SKIL: variants seen among roughly 807,000 people sequenced by gnomAD.
SKIL encodes the protein SKI like proto-oncogene, also known as ski-like protein.
A neutral mutation model predicts 69.6 loss-of-function variants in SKIL; 20 were observed. That is an observed-to-expected ratio of 0.29 (90% confidence interval 0.20 to 0.42). SKIL has a LOEUF of 0.42. Ranked by LOEUF, SKIL falls within the 10% of genes least tolerant of loss-of-function variation. The pLI, the probability that SKIL is intolerant of heterozygous loss-of-function variation, is 1.00. For missense variants in SKIL, 745 were observed against 783.1 expected (o/e 0.95, Z 0.58); for synonymous variants, 310 against 279.9 (o/e 1.11, Z -1.08).
chr3:170,385,323 C>G (rs1490165188), intron 4 of SKIL, among the ~76,000 whole-genome samples: 2 of 149,114 alleles, frequency 1.3e-5, no homozygotes, highest in Non-Finnish European at 3.0e-5. Context: ...AACTCCTGGG[C>G]TCAAGTGATC....
chr3:170,359,420 ACC>A (rs1014001768), intron 1 of SKIL, among the ~76,000 whole-genome samples: 16 of 152,028 alleles, frequency 1.1e-4, no homozygotes, highest in African/African-American at 2.7e-4. Flanking sequence ...ATATGGTGAA[ACC>A]CCGTTTCTAC....
intron 2 of SKIL, among the ~76,000 whole-genome samples, chr3:170,373,913 G>GT (rs1320274695): frequency 2.6e-5 from 4 of 151,838 alleles, no homozygotes; most frequent in Non-Finnish European, 2.9e-5. Context: ...ATTTTAAAGG[G>GT]TTTTTTTTGG....
At chr3:170,363,301 C>T (rs913772456) in intron 2 of SKIL, among the ~76,000 whole-genome samples, 3 of 152,214 alleles carry the variant, frequency 2.0e-5, no homozygotes, top group South Asian at 2.1e-4. Flanking sequence ...ATTCTGGTGC[C>T]TTTAAGGTTT....
chr3:170,391,830 T>A (rs905682429), intron 6 of SKIL, among the ~76,000 whole-genome samples: 8 of 152,130 alleles, frequency 5.3e-5, no homozygotes, highest in Admixed American at 2.0e-4. Flanking sequence ...GAATATTATA[T>A]GTTATATTAT....
intron 2 of SKIL, among the ~76,000 whole-genome samples, chr3:170,365,858 C>T (rs899303003): frequency 6.7e-6 from 1 of 149,150 alleles, no homozygotes; most frequent in Non-Finnish European, 1.5e-5. Flanking sequence ...TGGATTCAAG[C>T]GATTCTCCTG....
rs748865964 is a variant in SKIL, at chr3:170,360,919, G to A, written c.588G>A (p.Arg196=). ...ATGAACTGTACATATATTGTTCAAG[G>A]TGTACTTCAGACCAGCTTCATATCT... ...VCDELYIYCS[R]CTSDQLHILK... The change falls in exon 2 of 7, where the codon AGG becomes AGA. Residue 196 remains arginine, a synonymous_variant. Transcript: ENST00000259119. The A allele has an allele frequency of 6.2e-7, 1 of 1,614,100 alleles. No homozygotes were observed. Among genetic ancestry groups the A allele is most frequent in the South Asian group, 1.1e-5 (1 of 91,082 alleles).
chr3:170,380,642 CA>C (rs748457886), intron 2 of SKIL, among the ~76,000 whole-genome samples: 126 of 139,212 alleles, frequency 9.1e-4, no homozygotes, highest in African/African-American at 2.2e-3. Flanking sequence ...GACTCCATCT[CA>C]AAAAAAAAAA....
At position 170,392,523 on chromosome 3, in the gene SKIL, G is replaced by A; in HGVS notation, c.*106G>A. ...GAATTTATCTGCATGACGATAACTA[G>A]GCATTCTATCCATTTGTAGATCAGA... On this transcript the variant is annotated 3_prime_UTR_variant, in exon 7 of 7. Coordinates refer to ENST00000259119, the MANE Select transcript of SKIL (RefSeq NM_005414.5). 1.6e-6 allele frequency: 1 copy of A among 617,050 alleles called. No individual in the cohort carries two copies. The highest frequency in any genetic ancestry group is 1.9e-5 in the African/African-American group (1 of 53,062). The allele number at this position is 617,050 out of a possible 1,614,324, so 38.2% of individuals were successfully genotyped here.
intron 2 of SKIL, among the ~76,000 whole-genome samples, chr3:170,378,775 T>G (rs1737174270): frequency 6.6e-6 from 1 of 150,754 alleles, no homozygotes; most frequent in Non-Finnish European, 1.5e-5. Flanking sequence ...ACTCCTGACT[T>G]CAGGTGATCC....
chr3:170,376,188 C>T (rs1184675768), intron 2 of SKIL, among the ~76,000 whole-genome samples: 1 of 151,544 alleles, frequency 6.6e-6, no homozygotes, highest in Non-Finnish European at 1.5e-5. Flanking sequence ...GCTGGGATTA[C>T]AGGGATGCAC....
At chr3:170,359,058 T>C (rs1437665366) in intron 1 of SKIL, among the ~76,000 whole-genome samples, 1 of 152,220 alleles carries the variant, frequency 6.6e-6, no homozygotes, top group Non-Finnish European at 1.5e-5. Flanking sequence ...GATGAAGTAA[T>C]GGATTTTTTT....
chr3:170,367,231 C>G (rs1280276865), intron 2 of SKIL, among the ~76,000 whole-genome samples: 1 of 151,922 alleles, frequency 6.6e-6, no homozygotes, highest in East Asian at 1.9e-4. Context: ...GCCTCAGCCC[C>G]CTGAGTAGCT....
intron 1 of SKIL, among the ~76,000 whole-genome samples, chr3:170,359,071 C>T (rs1347073655): frequency 6.6e-6 from 1 of 152,056 alleles, no homozygotes; most frequent in African/African-American, 2.4e-5. Flanking sequence ...ATTTTTTTCC[C>T]TCCCTTAAAA....
rs920702546 is a variant in SKIL at position 170,360,058 on chromosome 3, A to T, written c.-274A>T. 5 of 318,472 alleles carry T rather than the reference A, an allele frequency of 1.6e-5. No individual in the cohort carries two copies. The highest frequency in any genetic ancestry group is 2.3e-5 in the Non-Finnish European group (4 of 175,602). 19.7% of individuals were successfully genotyped at this position (318,472 alleles called of 1,614,324 possible). On this transcript the variant is annotated 5_prime_UTR_variant, in exon 2 of 7. Transcript: ENST00000259119. ...TTTAATATGTATATCTGAAGAATTC[A>T]AGAAAACAAAGGCATCCTCAGAGGT...
chr3:170,359,411 T>C (rs1480070959), intron 1 of SKIL, among the ~76,000 whole-genome samples: 1 of 151,968 alleles, frequency 6.6e-6, no homozygotes, highest in African/African-American at 2.4e-5. Context: ...GCCTGACTAA[T>C]ATGGTGAAAC....
intron 4 of SKIL, among the ~76,000 whole-genome samples, chr3:170,386,883 A>T (rs1177904884): frequency 6.6e-6 from 1 of 152,222 alleles, no homozygotes; most frequent in African/African-American, 2.4e-5. Context: ...ATTAATTCTA[A>T]TGACTTCTAA....
rs374321725 is a variant in SKIL at position 170,392,346 on chromosome 3, C to G, written c.1984C>G (p.Gln662Glu). The G allele has an allele frequency of 1.2e-6, 2 of 1,612,582 alleles. No homozygotes were observed. The highest frequency in any genetic ancestry group is 1.7e-6 in the Non-Finnish European group (2 of 1,178,834). The change falls in exon 7 of 7, where the codon CAG (glutamine) becomes GAG (glutamate). Residue 662 changes from glutamine to glutamate, a missense_variant. Coordinates refer to ENST00000259119, the MANE Select transcript of SKIL (RefSeq NM_005414.5). ...DELRQEREAR[Q>E]KLEMMIKELK... Reference sequence around the variant, plus strand: ...ACTCAGACAGGAACGGGAAGCAAGACAGAAGTTAGAGATGATGATAAAAGA... The same window carrying G: ...ACTCAGACAGGAACGGGAAGCAAGAGAGAAGTTAGAGATGATGATAAAAGA...
At chr3:170,388,860 G>GTATT (rs71634466) in intron 4 of SKIL, among the ~76,000 whole-genome samples, 5,926 of 112,082 alleles carry the variant, frequency 0.053, 193 homozygotes, top group East Asian at 0.14. Flanking sequence ...ATTTATTTAT[G>GTATT]TATTTATTTA....
Position 170,391,040 on chromosome 3 carries a change from T to TAAAA in SKIL, c.1678_1681dup (p.Met561LysfsTer5). 6.6e-7 allele frequency: 1 copy of TAAAA among 1,520,022 alleles called. No homozygotes were observed. The highest frequency in any genetic ancestry group is 1.2e-5 in the South Asian group (1 of 85,168). 94.2% of individuals were successfully genotyped at this position (1,520,022 alleles called of 1,614,324 possible). A position where few individuals can be genotyped will look rare whatever the true frequency, so the allele number is the denominator to read the frequency against. On this transcript the variant is annotated frameshift_variant, in exon 6 of 7. Coordinates refer to ENST00000259119, the MANE Select transcript of SKIL (RefSeq NM_005414.5). LOFTEE classifies it high-confidence loss of function. ...TTGTGATTCTTTACATTACAGGAAG[T>TAAAA]AAAAATGTTGAGTAGTTCAAAATCT...
Sources: allele counts gnomAD v4.1 joint callset (sites outside exome capture counted in the v4.1 genomes callset), GRCh38; gene constraint gnomAD v4.1.1; transcripts MANE v1.5; gene names NCBI Gene and HGNC (gene_info 2026-07-23, HGNC 2026-07-21).